Variants in BRSK1 observed in about 807,000 individuals in gnomAD.
BRSK1 encodes the protein BR serine/threonine kinase 1, also known as serine/threonine-protein kinase BRSK1.
BRSK1 carries 17 observed loss-of-function variants against 86.2 expected under a neutral mutation model. That is an observed-to-expected ratio of 0.20 (90% CI 0.14 to 0.30). The LOEUF is 0.30. Among genes scored for constraint, BRSK1 ranks in the 10% least tolerant of loss-of-function variants. The probability of loss-of-function intolerance (pLI) is 1.00; values close to 1 mark genes in which losing one functional copy is unlikely to be tolerated. For synonymous variants in BRSK1, 464 were observed against 440.1 expected (o/e 1.05, Z -0.68); for missense variants, 719 against 1,071.9 (o/e 0.67, Z 4.60).
intron 7 of BRSK1, among the ~76,000 whole-genome samples, chr19:55,297,642 T>C (rs1363545844): frequency 7.5e-6 from 1 of 134,052 alleles, no homozygotes; most frequent in East Asian, 2.0e-4. Flanking sequence ...AACTCAGCCC[T>C]TCTTCACTTG....
rs2088649765 is a variant in BRSK1, at chr19:55,306,300, G to A, written c.1939G>A (p.Glu647Lys). ...SVLSQTSFRA[E>K]YKASGGPSVF... ...GCTGTCACAGACCAGCTTCAGGGCC[G>A]AGTACAAGGCCAGTGGCGGCCCCTC... The change falls in exon 17 of 19, where the codon GAG becomes AAG. Residue 647 changes from glutamate (E) to lysine (K), a missense_variant. This residue lies in a region of BRSK1 where 180 missense variants were observed against 259.4 expected (regional missense o/e 0.69). Coordinates refer to ENST00000309383, the MANE Select transcript of BRSK1 (RefSeq NM_032430.2). This position sits in a 1 kb window ranked among gnomAD's most constrained non-coding sequence, Gnocchi z 4.7. 2 of 1,614,112 alleles carry A rather than the reference G, an allele frequency of 1.2e-6. No homozygotes were observed. Among genetic ancestry groups the A allele is most frequent in the East Asian group, 2.2e-5 (1 of 44,882 alleles).
At chr19:55,288,643 T>C (rs2088359018) in intron 3 of BRSK1, among the ~76,000 whole-genome samples, 1 of 151,982 alleles carries the variant, frequency 6.6e-6, no homozygotes, top group African/African-American at 2.4e-5. Flanking sequence ...TGGAGTGCAA[T>C]GGCTCGATCT....
Position 55,308,742 on chromosome 19 carries a change from CCGTGGGTGGT to C in BRSK1, c.2179+15_2179+24del, listed in dbSNP as rs1568990251. 3.5e-5 allele frequency: 49 copies of C among 1,385,326 alleles called. No individual in the cohort carries two copies. The highest frequency in any genetic ancestry group is 4.7e-5 in the Non-Finnish European group (49 of 1,041,054). 85.8% of individuals were successfully genotyped at this position (1,385,326 alleles called of 1,614,324 possible). On this transcript the variant is annotated intron_variant, in intron 18 of 18. Coordinates refer to ENST00000309383, the MANE Select transcript of BRSK1 (RefSeq NM_032430.2). Reference sequence around the variant, plus strand: ...AGGCCCTGGCAGGTGGGTGGTGGGGCCGTGGGTGGTGGGGGGCGTGGGTGGCGGGGGCCGT... The same window carrying C: ...AGGCCCTGGCAGGTGGGTGGTGGGGCGGGGGGCGTGGGTGGCGGGGGCCGT...
Position 55,310,629 on chromosome 19 carries a change from C to A in BRSK1, c.2180-1282C>A, listed in dbSNP as rs914875732. On this transcript the variant is annotated intron_variant, in intron 18 of 18. Transcript: ENST00000309383. This position sits in a 1 kb window ranked among gnomAD's most constrained non-coding sequence, Gnocchi z 5.0. ...GAAAACAGGGGGATGCCAATGGCCT[C>A]TTGTAGGTGGAGGCCAGGGATGCTG... Among the ~76,000 whole-genome samples, 1 of 152,174 alleles carries A rather than the reference C, an allele frequency of 6.6e-6. No homozygotes were observed. Among genetic ancestry groups the A allele is most frequent in the African/African-American group, 2.4e-5 (1 of 41,438 alleles).
At chr19:55,307,239 A>C (rs2088664953) in intron 17 of BRSK1, among the ~76,000 whole-genome samples, 2 of 151,758 alleles carry the variant, frequency 1.3e-5, no homozygotes, top group Non-Finnish European at 2.9e-5. Flanking sequence ...ACCAATTATG[A>C]CTCTTTATTT....
chr19:55,302,737 C>T lies in BRSK1; in HGVS notation c.898C>T (p.Pro300Ser), dbSNP rs1454989960. 1 of 1,612,794 alleles carries T rather than the reference C, an allele frequency of 6.2e-7. No homozygotes were observed. The highest frequency in any genetic ancestry group is 8.5e-7 in the Non-Finnish European group (1 of 1,179,296). ...HEPDPCLEPA[P>S]GRRVAMRSLP... is the part of the protein sequence containing the mutation. Reference sequence around the variant, plus strand: ...GCCAGACCCGTGCCTGGAGCCAGCCCCTGGCCGCCGGGTAGCCATGCGGAG... The same window carrying T: ...GCCAGACCCGTGCCTGGAGCCAGCCTCTGGCCGCCGGGTAGCCATGCGGAG... Residue 300 changes from proline to serine, a missense_variant, in exon 10 of 19, where the codon CCT (proline) becomes TCT (serine). By Grantham distance (74) the Pro-to-Ser change is moderately conservative. Around this residue, in one of 6 missense-constraint regions of BRSK1, gnomAD observed 168 missense variants for 246.3 expected, o/e 0.68. Coordinates refer to ENST00000309383, the MANE Select transcript of BRSK1 (RefSeq NM_032430.2). This position sits in a 1 kb window ranked among gnomAD's most constrained non-coding sequence, Gnocchi z 6.3.
chr19:55,303,298 C>A lies in BRSK1; in HGVS notation c.1029-13C>A. On this transcript the variant is annotated splice_polypyrimidine_tract_variant and intron_variant, in intron 10 of 18. Coordinates refer to ENST00000309383, the MANE Select transcript of BRSK1 (RefSeq NM_032430.2). This position sits in a 1 kb window ranked among gnomAD's most constrained non-coding sequence, Gnocchi z 5.1. The stretch of plus-strand genomic sequence containing the variant: ...CTGCTACCTCTTTCCACCTTTCCCA[C>A]CCCCTGCCTTAGGGAGAACCAAGAA... The A allele has an allele frequency of 6.2e-7, 1 of 1,606,158 alleles. No homozygotes were observed. The highest frequency in any genetic ancestry group is 8.5e-7 in the Non-Finnish European group (1 of 1,173,098).
rs773620171 is a variant in BRSK1, at chr19:55,302,320, A to T, written c.857+152A>T. 5 of 893,060 alleles carry T rather than the reference A, an allele frequency of 5.6e-6. No individual in the cohort carries two copies. The highest frequency in any genetic ancestry group is 7.4e-6 in the Non-Finnish European group (4 of 537,870). The allele number at this position is 893,060 out of a possible 1,614,324, so 55.3% of individuals were successfully genotyped here. On this transcript the variant is annotated intron_variant, in intron 9 of 18. Coordinates refer to ENST00000309383, the MANE Select transcript of BRSK1 (RefSeq NM_032430.2). The surrounding 1 kb of genome is among the most constrained non-coding windows in gnomAD (Gnocchi z 6.3). ...TATGGGTCCTGGGGGAAGAGGACAC[A>T]GCTAGAGAAGGAGTCTAGGGGTCAG...
rs201751771 is a variant in BRSK1 at position 55,287,110 on chromosome 19, G to C, written c.231+9G>C. 5.0e-6 allele frequency: 8 copies of C among 1,612,190 alleles called. No individual in the cohort carries two copies. In the South Asian group the frequency reaches 8.8e-5, roughly 18 times the overall value. Reference sequence around the variant, plus strand: ...AGTCGGTGCTGATGAAGGTGTGTGCGCCTGCTGCAGTGTGCCTGCGGGTGG... The same window carrying C: ...AGTCGGTGCTGATGAAGGTGTGTGCCCCTGCTGCAGTGTGCCTGCGGGTGG... On this transcript the variant is annotated intron_variant, in intron 2 of 18. Coordinates refer to ENST00000309383, the MANE Select transcript of BRSK1 (RefSeq NM_032430.2). This position sits in a 1 kb window ranked among gnomAD's most constrained non-coding sequence, Gnocchi z 5.3.
rs55796422 is a variant in BRSK1 at position 55,312,021 on chromosome 19, C to A, written c.2290C>A (p.Pro764Thr). Residue 764 changes from proline (P) to threonine (T), a missense_variant, in exon 19 of 19, where the codon CCC becomes ACC. Transcript: ENST00000309383. The stretch of plus-strand genomic sequence containing the variant: ...GAGCAGCTCTCCCCGCCGAGGCCCC[C>A]CCAAGGACAAGAAGCTCCTGGCCAC... ...ELSSSPRRGPPKDKKLLATNG... is the reference protein window; with the variant it reads ...ELSSSPRRGPTKDKKLLATNG... The A allele has an allele frequency of 6.6e-7, 1 of 1,510,518 alleles. No individual in the cohort carries two copies. Among genetic ancestry groups the A allele is most frequent in the South Asian group, 1.3e-5 (1 of 79,128 alleles). 93.6% of individuals were successfully genotyped at this position (1,510,518 alleles called of 1,614,324 possible). A position where few individuals can be genotyped will look rare whatever the true frequency, so the allele number is the denominator to read the frequency against.
intron 4 of BRSK1, among the ~76,000 whole-genome samples, chr19:55,292,659 C>T (rs1485930620): frequency 1.3e-5 from 2 of 151,928 alleles, no homozygotes; most frequent in Non-Finnish European, 2.9e-5. Context: ...CATGGTGAAA[C>T]CCTGTCTCTA....
At chr19:55,285,431 G>A (rs2088295696) in intron 1 of BRSK1, among the ~76,000 whole-genome samples, 1 of 152,122 alleles carries the variant, frequency 6.6e-6, no homozygotes. Flanking sequence ...TGGGACCTGA[G>A]GTTCTTGCTG....
In BRSK1 at chr19:55,304,542, C is replaced by T. The variant is rs1049682944; in HGVS notation, c.1348-9C>T. On this transcript the variant is annotated splice_polypyrimidine_tract_variant and intron_variant, in intron 13 of 18. Coordinates refer to ENST00000309383, the MANE Select transcript of BRSK1 (RefSeq NM_032430.2). This position sits in a 1 kb window ranked among gnomAD's most constrained non-coding sequence, Gnocchi z 5.2. ...CCACTCGCTTATCTCAGTCTCCTGT[C>T]CTCTGCAGAGTCCGGTCTTTTCCTT... 1.9e-6 allele frequency: 3 copies of T among 1,570,458 alleles called. No individual in the cohort carries two copies. The highest frequency in any genetic ancestry group is 1.4e-5 in the African/African-American group (1 of 72,180).
chr19:55,300,702 A>G (rs2088558143), intron 7 of BRSK1, among the ~76,000 whole-genome samples: 1 of 152,144 alleles, frequency 6.6e-6, no homozygotes, highest in Admixed American at 6.5e-5. Flanking sequence ...AGCCGGGCAT[A>G]GTGGCATATG....
rs1172821 is a variant in BRSK1 at position 55,305,310 on chromosome 19, C to A, written c.1718-11C>A. 2 of 1,613,422 alleles carry A rather than the reference C, an allele frequency of 1.2e-6. No individual in the cohort carries two copies. The highest frequency in any genetic ancestry group is 8.5e-7 in the Non-Finnish European group (1 of 1,179,792). ...AGGTGTTGACCACGTTCTCTGCCTT[C>A]CCCCTACCAGTCCCTACCGCTGAGG... On this transcript the variant is annotated splice_polypyrimidine_tract_variant and intron_variant, in intron 14 of 18. Coordinates refer to ENST00000309383, the MANE Select transcript of BRSK1 (RefSeq NM_032430.2).
Position 55,303,459 on chromosome 19 carries a change from A to AG in BRSK1, c.1126+53dup, listed in dbSNP as rs2088602095. The AG allele has an allele frequency of 1.9e-6, 3 of 1,583,384 alleles. No individual in the cohort carries two copies. Among genetic ancestry groups the AG allele is most frequent in the Non-Finnish European group, 1.7e-6 (2 of 1,152,748 alleles). On this transcript the variant is annotated intron_variant, in intron 11 of 18. Transcript: ENST00000309383. The surrounding 1 kb of genome is among the most constrained non-coding windows in gnomAD (Gnocchi z 5.1). ...GACACCTGGGTCTCGAGATTGGAAG[A>AG]GGCTGGCCACGGGGACCCCAGATTC...
intron 4 of BRSK1, among the ~76,000 whole-genome samples, chr19:55,293,501 C>CAATAAATAAATAAATAAATA (rs547605694): frequency 6.7e-6 from 1 of 148,444 alleles, no homozygotes; most frequent in South Asian, 2.1e-4. Flanking sequence ...GACTCCATCT[C>CAATAAATAAATAAATAAATA]AATAAATAAA....
intron 18 of BRSK1, among the ~76,000 whole-genome samples, chr19:55,311,457 C>A (rs1183810402): frequency 6.6e-6 from 1 of 152,140 alleles, no homozygotes; most frequent in Non-Finnish European, 1.5e-5. Flanking sequence ...GAGACCCCCC[C>A]GACTCCACCA....
In BRSK1 at chr19:55,294,042, C is replaced by G; in HGVS notation, c.484C>G (p.Leu162Val). The change falls in exon 5 of 19, where the codon CTG (leucine) becomes GTG (valine). Residue 162 changes from leucine (L) to valine (V), a missense_variant. This residue lies in a region of BRSK1 where 75 missense variants were observed against 281.0 expected (regional missense o/e 0.27). Coordinates refer to ENST00000309383, the MANE Select transcript of BRSK1 (RefSeq NM_032430.2). This position sits in a 1 kb window ranked among gnomAD's most constrained non-coding sequence, Gnocchi z 4.9. The stretch of plus-strand genomic sequence containing the variant: ...CCACAGAGACCTAAAGCCCGAGAAC[C>G]TGCTTTTGGATGAGAAAAACAACAT... ...ICHRDLKPENLLLDEKNNIRI... is the reference protein window; with the variant it reads ...ICHRDLKPENVLLDEKNNIRI... 6.2e-7 allele frequency: 1 copy of G among 1,613,748 alleles called. No individual in the cohort carries two copies. Among genetic ancestry groups the G allele is most frequent in the Non-Finnish European group, 8.5e-7 (1 of 1,179,768 alleles).
Sources: gnomAD v4.1 joint callset for allele counts (sites outside exome capture counted in the v4.1 genomes callset) on GRCh38, gnomAD v4.1.1 for gene constraint, gnomAD v4.1.1 regional missense constraint, Gnocchi (gnomAD v3.1) non-coding constraint, MANE v1.5 for transcripts, NCBI Gene and HGNC (gene_info 2026-07-23, HGNC 2026-07-21) for gene names.